The following USP42 variants were observed in gnomAD, a reference collection of about 807,000 sequenced individuals.
USP42 encodes ubiquitin specific peptidase 42, also known as ubiquitin carboxyl-terminal hydrolase 42.
USP42 carries 23 observed loss-of-function variants against 113.0 expected under a neutral mutation model. The observed-to-expected ratio is 0.20, with a 90% CI of 0.15 to 0.29. The LOEUF (loss-of-function observed/expected upper bound fraction) is 0.29, where lower values mean the gene tolerates loss of function less well. Ranked by LOEUF, USP42 falls within the 10% of genes least tolerant of loss-of-function variation. The pLI, the probability that USP42 is intolerant of heterozygous loss-of-function variation, is 1.00. For missense variants in USP42, 2,174 were observed against 1,779.8 expected (o/e 1.22, Z -3.99); for synonymous variants, 933 against 699.0 (o/e 1.33, Z -5.28).
the USP42 span, among the ~76,000 whole-genome samples, chr7:6,091,987 CTTCT>C: frequency 8.4e-5 from 4 of 47,694 alleles, no homozygotes; most frequent in South Asian, 8.3e-4. Flanking sequence ...TTTTCTTCTT[CTTCT>C]TCTTCTTCTT....
intron 3 of USP42, among the ~76,000 whole-genome samples, chr7:6,124,207 T>C (rs1042929864): frequency 6.6e-6 from 1 of 151,842 alleles, no homozygotes; most frequent in Non-Finnish European, 1.5e-5. Context: ...CATGTTAGCA[T>C]GATATATTTT....
chr7:6,102,739 T>A (rs1790165681), upstream of USP42, among the ~76,000 whole-genome samples: 2 of 150,856 alleles, frequency 1.3e-5, no homozygotes, highest in African/African-American at 5.0e-5. Context: ...GAGTGTGTTA[T>A]GGTTGAAACA....
At chr7:6,090,334 C>A in the USP42 span, among the ~76,000 whole-genome samples, 1 of 136,580 alleles carries the variant, frequency 7.3e-6, no homozygotes, top group Non-Finnish European at 1.5e-5. Context: ...ATATATATTT[C>A]TTTATATATA....
intron 1 of USP42, among the ~76,000 whole-genome samples, chr7:6,107,741 C>T (rs1260008650): frequency 2.0e-5 from 3 of 151,910 alleles, no homozygotes; most frequent in Non-Finnish European, 4.4e-5. Context: ...TTTTTTTCTT[C>T]TGTCCCCACA....
At chr7:6,145,439 T>C in intron 9 of USP42, 77 bp from the exon 10 acceptor site, 1 of 1,580,770 alleles carries the variant, frequency 6.3e-7, no homozygotes, top group Non-Finnish European at 8.7e-7. Flanking sequence ...CCTAGGAAGC[T>C]CTAAGTACCC....
the USP42 span, among the ~76,000 whole-genome samples, chr7:6,090,890 C>T: frequency 1.1e-4 from 16 of 149,316 alleles, no homozygotes; most frequent in Non-Finnish European, 1.9e-4. Context: ...GGACCTTACG[C>T]TTATAACTTA....
rs182689813 is a variant in USP42, at chr7:6,130,332, G to A, written c.443-5509G>A. 3.3e-3 allele frequency among the ~76,000 whole-genome samples: 510 copies of A among 152,362 alleles called. 9 individuals carry two copies. In the South Asian group the frequency reaches 0.048, roughly 14 times the overall value. ...TGGGGATCGTTGTCCCTGCTGGGTG[G>A]AAGTGGAAGTTCCTGCTCCCCACAT... is the stretch of plus-strand genomic sequence containing the variant. On this transcript the variant is annotated intron_variant, in intron 3 of 17. Transcript: ENST00000306177.
At position 6,129,887 on chromosome 7, in the gene USP42, A is replaced by G. The variant is rs529130162; in HGVS notation, c.443-5954A>G. Among the ~76,000 whole-genome samples the G allele has an allele frequency of 7.3e-5, 11 of 151,012 alleles. No homozygotes were observed. In the South Asian group the frequency reaches 1.3e-3, roughly 17 times the overall value. ...AAAAAAAAAAAAAAAGGTTTCTTTT[A>G]TATACATTTAGAACCATATCAGACA... On this transcript the variant is annotated intron_variant, in intron 3 of 17. Transcript: ENST00000306177.
the USP42 span, among the ~76,000 whole-genome samples, chr7:6,084,227 A>T: frequency 6.6e-6 from 1 of 151,088 alleles, no homozygotes. Flanking sequence ...GGGTTTCACC[A>T]TGTTGACCAG....
At chr7:6,100,632 T>G (rs1176572189), upstream of USP42, among the ~76,000 whole-genome samples, 3 of 150,254 alleles carry the variant, frequency 2.0e-5, no homozygotes, top group African/African-American at 7.5e-5. Flanking sequence ...GCCTGGCACC[T>G]GGACATTTTT....
At chr7:6,134,065 G>A (rs573922210) in intron 3 of USP42, among the ~76,000 whole-genome samples, 1 of 151,682 alleles carries the variant, frequency 6.6e-6, no homozygotes, top group Non-Finnish European at 1.5e-5. Context: ...TAATTTTTTT[G>A]TATCTTTAGT....
At chr7:6,122,540 G>A (rs548296229) in intron 3 of USP42, among the ~76,000 whole-genome samples, 29 of 152,074 alleles carry the variant, frequency 1.9e-4, no homozygotes, top group African/African-American at 6.7e-4. Flanking sequence ...TGTGATCTCG[G>A]CTCAACTGCA....
the USP42 span, among the ~76,000 whole-genome samples, chr7:6,082,358 G>A: frequency 9.2e-5 from 14 of 152,024 alleles, no homozygotes; most frequent in African/African-American, 3.4e-4. Flanking sequence ...TCGATCTCCT[G>A]ACCTCGTGAT....
the USP42 span, among the ~76,000 whole-genome samples, chr7:6,098,863 T>C: frequency 6.7e-6 from 1 of 150,060 alleles, no homozygotes; most frequent in Non-Finnish European, 1.5e-5. Flanking sequence ...CATTGTCTTG[T>C]AGGGTACCTA....
rs753053527 is a variant in USP42 at position 6,154,337 on chromosome 7, C to T, written c.2783C>T (p.Ala928Val). The change falls in exon 15 of 18, where the codon GCG becomes GTG. Residue 928 changes from alanine (A) to valine (V), a missense_variant. Coordinates refer to ENST00000306177, the MANE Select transcript of USP42 (RefSeq NM_032172.3). ...CCCGGCGAGAGGGTCGAGGACGCCG[C>T]GGCGCCGAAAGCCCCAGGCCCTTCC... ...PSPGERVEDA[A>V]APKAPGPSPA... 6.4e-7 allele frequency: 1 copy of T among 1,571,568 alleles called. No individual in the cohort carries two copies. The highest frequency in any genetic ancestry group is 1.9e-5 in the Admixed American group (1 of 53,496).
At position 6,143,024 on chromosome 7, in the gene USP42, G is replaced by A; in HGVS notation, c.878+10G>A. 6.2e-7 allele frequency: 1 copy of A among 1,613,862 alleles called. No individual in the cohort carries two copies. Among genetic ancestry groups the A allele is most frequent in the Non-Finnish European group, 8.5e-7 (1 of 1,179,764 alleles). On this transcript the variant is annotated intron_variant, in intron 8 of 17. Transcript: ENST00000306177. The stretch of plus-strand genomic sequence containing the variant: ...CGTACAAGTGCAGCAAGTACGTTGG[G>A]TGGTGACTTGATTCTTGATGCCGGC...
intron 1 of USP42, among the ~76,000 whole-genome samples, chr7:6,106,620 A>C (rs1211103334): frequency 2.0e-5 from 3 of 152,176 alleles, no homozygotes. Context: ...GCTGGAGTGC[A>C]GTGGCGCAGT....
chr7:6,135,727 T>C, intron 3 of USP42, 114 bp from the exon 4 acceptor site: 1 of 397,990 alleles, frequency 2.5e-6, no homozygotes, highest in Non-Finnish European at 4.5e-6. Context: ...GCTCAAGGCA[T>C]GCATATAGCA....
intron 14 of USP42, among the ~76,000 whole-genome samples, chr7:6,152,674 G>C (rs1017938587): frequency 1.3e-5 from 2 of 152,228 alleles, no homozygotes; most frequent in African/African-American, 4.8e-5. Flanking sequence ...CAGGTAGCGT[G>C]AGGGTGAGGT....
Sources: allele counts gnomAD v4.1 joint callset (sites outside exome capture counted in the v4.1 genomes callset), GRCh38; gene constraint gnomAD v4.1.1; transcripts MANE v1.5; gene names NCBI Gene and HGNC (gene_info 2026-07-23, HGNC 2026-07-21).